The following FBXO25 variants were observed in gnomAD, a reference collection of about 807,000 sequenced individuals.
The protein encoded by FBXO25 is F-box protein 25, also known as F-box only protein 25.
Under a neutral mutation model 51.9 loss-of-function variants are expected in FBXO25, and 45 were observed. The ratio of observed to expected loss-of-function variants is 0.87; its 90% CI spans 0.68 to 1.11. The LOEUF (loss-of-function observed/expected upper bound fraction) is 1.11. Ranked by LOEUF, FBXO25 falls within the 50% of genes most tolerant of loss-of-function variation. The pLI is 0.00. For synonymous variants in FBXO25, 199 were observed against 151.0 expected (o/e 1.32, Z -2.33); for missense variants, 507 against 428.5 (o/e 1.18, Z -1.62).
chr8:431,593 A>G (rs1055736557), intron 3 of FBXO25, 149 bp downstream of exon 3: 23 of 512,646 alleles, frequency 4.5e-5, no homozygotes, highest in South Asian at 9.1e-5. Context: ...TTAGTGATCA[A>G]ACTTTTTGCA....
At chr8:416,129 G>A (rs1295624277) in intron 2 of FBXO25, among the ~76,000 whole-genome samples, 1 of 152,144 alleles carries the variant, frequency 6.6e-6, no homozygotes, top group Non-Finnish European at 1.5e-5. Flanking sequence ...CACTCATTCT[G>A]TAAACTGATG....
In FBXO25 at chr8:457,476, C is replaced by G. The variant is rs184350910; in HGVS notation, c.661-893C>G. Among the ~76,000 whole-genome samples, 504 of 152,286 alleles carry G rather than the reference C, an allele frequency of 3.3e-3. 1 individual carries two copies. The highest frequency in any genetic ancestry group is 0.012 in the African/African-American group (483 of 41,552). On this transcript the variant is annotated intron_variant, in intron 7 of 9. Transcript: ENST00000350302. The stretch of plus-strand genomic sequence containing the variant: ...TGAGGGCAGATGCATTGCATTTACT[C>G]TCTGGCGTGTGTGAGGGAGAAATGG...
At chr8:409,927 C>G (rs1796389080) in intron 1 of FBXO25, among the ~76,000 whole-genome samples, 2 of 152,194 alleles carry the variant, frequency 1.3e-5, no homozygotes, top group African/African-American at 2.4e-5. Context: ...TACCAGTCCT[C>G]TGATAAACTT....
At chr8:461,803 T>G (rs1421097844) in intron 8 of FBXO25, among the ~76,000 whole-genome samples, 4 of 152,212 alleles carry the variant, frequency 2.6e-5, no homozygotes, top group African/African-American at 9.6e-5. Context: ...CATGATGTCC[T>G]TACGGCTCCA....
At chr8:433,062 C>A in intron 4 of FBXO25, 127 bp downstream of exon 4, 1 of 1,202,582 alleles carries the variant, frequency 8.3e-7, no homozygotes, top group Non-Finnish European at 1.1e-6. Context: ...ATCTATGGTT[C>A]ACATTCTGAC....
chr8:468,858 G>A lies in FBXO25; in HGVS notation c.*54G>A, dbSNP rs1585117382. The A allele has an allele frequency of 3.3e-6, 5 of 1,535,092 alleles. No individual in the cohort carries two copies. Among genetic ancestry groups the A allele is most frequent in the East Asian group, 2.3e-5 (1 of 43,794 alleles). ...TTGTGAATCCTGCTGTCTGTGCAGG[G>A]CTCATAGTGAGTGTTCTGTGAGGTG... On this transcript the variant is annotated 3_prime_UTR_variant, in exon 10 of 10. Coordinates refer to ENST00000350302, the MANE Select transcript of FBXO25 (RefSeq NM_183420.2).
chr8:463,055 T>G lies in FBXO25; in HGVS notation c.892T>G (p.Leu298Val), dbSNP rs774518476. Residue 298 changes from leucine (L) to valine (V), a missense_variant, in exon 9 of 10, where the codon TTG (leucine) becomes GTG (valine). Physicochemically the swap from Leu to Val is conservative, Grantham distance 32. Coordinates refer to ENST00000350302, the MANE Select transcript of FBXO25 (RefSeq NM_183420.2). The part of the protein sequence containing the change: ...LSEKGHIEWK[L>V]MYFALQKHYP... Reference sequence around the variant, plus strand: ...AGAAAAAGGTCATATTGAATGGAAGTTGATGTACTTTGCACTTCAGAAACA... The same window carrying G: ...AGAAAAAGGTCATATTGAATGGAAGGTGATGTACTTTGCACTTCAGAAACA... The G allele has an allele frequency of 6.2e-7, 1 of 1,613,788 alleles. No individual in the cohort carries two copies. The highest frequency in any genetic ancestry group is 1.7e-5 in the Admixed American group (1 of 59,910).
chr8:422,449 T>G (rs1797214675), intron 2 of FBXO25, among the ~76,000 whole-genome samples: 1 of 152,202 alleles, frequency 6.6e-6, no homozygotes, highest in Non-Finnish European at 1.5e-5. Context: ...GTGTGTCAGC[T>G]AAGTACAGTG....
intron 9 of FBXO25, 55 bp downstream of exon 9, chr8:463,205 CTAATCACCTATATTTTAA>C (rs1799930995): frequency 6.4e-7 from 1 of 1,560,952 alleles, no homozygotes; most frequent in Admixed American, 1.8e-5. Flanking sequence ...GTGAAACAAA[CTAATCACCTATATTTTAA>C]GTATAAGACT....
intron 2 of FBXO25, among the ~76,000 whole-genome samples, chr8:430,279 A>C (rs544417679): frequency 2.0e-5 from 3 of 152,244 alleles, no homozygotes; most frequent in African/African-American, 7.2e-5. Context: ...AAATACAAAC[A>C]TCAACACATT....
chr8:425,399 T>G (rs183293352), intron 2 of FBXO25, among the ~76,000 whole-genome samples: 1 of 151,726 alleles, frequency 6.6e-6, no homozygotes, highest in African/African-American at 2.4e-5. Flanking sequence ...CTTGTAACTT[T>G]CTTATTTTTT....
Position 475,472 on chromosome 8 carries a change from G to A in FBXO25, c.*6668G>A, listed in dbSNP as rs551325322. 3.2e-4 allele frequency: 49 copies of A among 153,432 alleles called. No homozygotes were observed. In the South Asian group the frequency reaches 9.6e-3, roughly 30 times the overall value. The allele number at this position is 153,432 out of a possible 1,614,324, so 9.5% of individuals were successfully genotyped here. On this transcript the variant is annotated 3_prime_UTR_variant, in exon 10 of 10. Coordinates refer to ENST00000350302, the MANE Select transcript of FBXO25 (RefSeq NM_183420.2). ...TCAGGATGGAAAAAAAAAAGCCACT[G>A]GGATATTCTGATAGAGATTGCATGA...
chr8:435,438 T>G, intron 4 of FBXO25, 177 bp from the exon 5 acceptor site: 1 of 803,904 alleles, frequency 1.2e-6, no homozygotes, highest in South Asian at 2.0e-5. Flanking sequence ...ATAAACAGCT[T>G]AAATTATTAG....
At chr8:425,653 C>G (rs1797426660) in intron 2 of FBXO25, among the ~76,000 whole-genome samples, 1 of 151,422 alleles carries the variant, frequency 6.6e-6, no homozygotes, top group African/African-American at 2.4e-5. Context: ...TATAAAGTTG[C>G]CTGTGACAGT....
intron 2 of FBXO25, among the ~76,000 whole-genome samples, chr8:427,467 A>G (rs1383985061): frequency 6.6e-6 from 1 of 151,344 alleles, no homozygotes; most frequent in African/African-American, 2.4e-5. Flanking sequence ...GGTAGCATAT[A>G]TGTACCTTTC....
rs553257241 is a variant in FBXO25, at chr8:413,298, A to G, written c.134+85A>G. 3.4e-5 allele frequency: 46 copies of G among 1,372,454 alleles called. No individual in the cohort carries two copies. In the African/African-American group the frequency reaches 5.2e-4, roughly 16 times the overall value. 85.0% of individuals were successfully genotyped at this position (1,372,454 alleles called of 1,614,324 possible). On this transcript the variant is annotated intron_variant, in intron 2 of 9. Coordinates refer to ENST00000350302, the MANE Select transcript of FBXO25 (RefSeq NM_183420.2). ...ATTTTTCAAGTCCCTGCAAAGCTCC[A>G]TAACTTTTGAGACTTGCCCACCCAG...
In FBXO25 at chr8:471,174, C is replaced by T. The variant is rs192073382; in HGVS notation, c.*2370C>T. 9.2e-5 allele frequency: 14 copies of T among 152,296 alleles called. No homozygotes were observed. Among genetic ancestry groups the T allele is most frequent in the East Asian group, 7.7e-4 (4 of 5,178 alleles). The allele number at this position is 152,296 out of a possible 1,614,324, so 9.4% of individuals were successfully genotyped here. ...TCCACAGGCCATGGACACAGCTAGC[C>T]GCATTGCCACTGCATGGGTCACAGC... On this transcript the variant is annotated 3_prime_UTR_variant, in exon 10 of 10. Coordinates refer to ENST00000350302, the MANE Select transcript of FBXO25 (RefSeq NM_183420.2).
At chr8:456,195 G>A (rs10092971) in intron 7 of FBXO25, among the ~76,000 whole-genome samples, 61,439 of 152,078 alleles carry the variant, frequency 0.4, 14,627 homozygotes, top group African/African-American at 0.67. Context: ...TTACTTGCAC[G>A]TTATCTTTTT....
chr8:429,989 G>C (rs1359230031), intron 2 of FBXO25, among the ~76,000 whole-genome samples: 1 of 152,212 alleles, frequency 6.6e-6, no homozygotes. Context: ...GTGTGTCCAT[G>C]GGATATCTTT....
Sources: gnomAD v4.1 joint callset for allele counts (sites outside exome capture counted in the v4.1 genomes callset) on GRCh38, gnomAD v4.1.1 for gene constraint, MANE v1.5 for transcripts, NCBI Gene and HGNC (gene_info 2026-07-23, HGNC 2026-07-21) for gene names.